ADAMTS12: variants seen among roughly 807,000 people sequenced by gnomAD.
ADAMTS12 encodes the protein ADAM metallopeptidase with thrombospondin type 1 motif 12.
Under a neutral mutation model 167.8 loss-of-function variants are expected in ADAMTS12, and 118 were observed. The ratio of observed to expected loss-of-function variants is 0.70; its 90% CI spans 0.61 to 0.82. The LOEUF (loss-of-function observed/expected upper bound fraction) is 0.82, where lower values mean the gene tolerates loss of function less well. Ranked by LOEUF, ADAMTS12 falls within the 40% of genes least tolerant of loss-of-function variation. ADAMTS12 has a pLI of 0.00. For synonymous variants in ADAMTS12, 704 were observed against 716.9 expected (o/e 0.98, Z 0.29); for missense variants, 1,916 against 1,998.8 (o/e 0.96, Z 0.79).
chr5:33,861,226 C>T (rs541773847), intron 2 of ADAMTS12, among the ~76,000 whole-genome samples: 1 of 152,230 alleles, frequency 6.6e-6, no homozygotes, highest in East Asian at 1.9e-4. Context: ...AATTAAAATA[C>T]ACAGACTGGC....
At chr5:33,587,883 T>C (rs530728692) in intron 18 of ADAMTS12, among the ~76,000 whole-genome samples, 14 of 152,240 alleles carry the variant, frequency 9.2e-5, no homozygotes, top group African/African-American at 2.9e-4. Flanking sequence ...GAACTGCACA[T>C]AGAGAAGCAG....
At chr5:33,634,647 G>C (rs1652878642) in intron 12 of ADAMTS12, among the ~76,000 whole-genome samples, 1 of 152,034 alleles carries the variant, frequency 6.6e-6, no homozygotes, top group Admixed American at 6.6e-5. Context: ...GAAACCTTTG[G>C]CTAGTCTAAA....
chr5:33,760,923 G>GCA lies in ADAMTS12; in HGVS notation c.490-9376_490-9375insTG, dbSNP rs1442345231. ...TGTGTGTGTGTGTGTGTGTGTGTGC[G>GCA]TATGCGCTTCTAAGCAGCAATCCAT... On this transcript the variant is annotated intron_variant, in intron 2 of 23. Coordinates refer to ENST00000504830, the MANE Select transcript of ADAMTS12 (RefSeq NM_030955.4). Among the ~76,000 whole-genome samples the GCA allele has an allele frequency of 3.4e-5, 5 of 145,758 alleles. No individual in the cohort carries two copies. In the East Asian group the frequency reaches 7.9e-4, roughly 23 times the overall value.
intron 22 of ADAMTS12, among the ~76,000 whole-genome samples, chr5:33,545,331 G>A (rs1744917618): frequency 6.6e-6 from 1 of 152,180 alleles, no homozygotes; most frequent in African/African-American, 2.4e-5. Context: ...ATGCCAGTTA[G>A]AATGGTGATC....
intron 20 of ADAMTS12, among the ~76,000 whole-genome samples, chr5:33,559,300 G>T (rs533182509): frequency 6.4e-4 from 97 of 152,260 alleles, no homozygotes; most frequent in Non-Finnish European, 1.1e-3. Flanking sequence ...GGTTGATCAT[G>T]TATGGCAAAC....
At chr5:33,719,060 T>C (rs1418480008) in intron 3 of ADAMTS12, among the ~76,000 whole-genome samples, 1 of 152,174 alleles carries the variant, frequency 6.6e-6, no homozygotes, top group East Asian at 1.9e-4. Context: ...GTGCTTAATC[T>C]TCCTCACAGC....
intron 2 of ADAMTS12, among the ~76,000 whole-genome samples, chr5:33,865,272 T>A (rs1188184351): frequency 2.0e-5 from 3 of 152,040 alleles, no homozygotes; most frequent in African/African-American, 7.2e-5. Flanking sequence ...AGAAAGATAA[T>A]ACACCATGAT....
At chr5:33,726,283 G>C (rs564030334) in intron 3 of ADAMTS12, among the ~76,000 whole-genome samples, 5 of 152,318 alleles carry the variant, frequency 3.3e-5, no homozygotes, top group Admixed American at 3.3e-4. Context: ...CACATTGTAG[G>C]TACAGTTGAG....
intron 2 of ADAMTS12, among the ~76,000 whole-genome samples, chr5:33,839,552 T>C (rs1360566240): frequency 6.6e-6 from 1 of 152,176 alleles, no homozygotes; most frequent in Non-Finnish European, 1.5e-5. Context: ...TGGCTCCAAC[T>C]CTGGAAGGGA....
chr5:33,687,780 G>A (rs907048374), intron 3 of ADAMTS12, among the ~76,000 whole-genome samples: 1 of 152,186 alleles, frequency 6.6e-6, no homozygotes, highest in South Asian at 2.1e-4. Context: ...TTTGATGGAA[G>A]AAATGTTTCT....
chr5:33,615,183 G>A (rs1011792831), intron 15 of ADAMTS12, among the ~76,000 whole-genome samples: 7 of 152,154 alleles, frequency 4.6e-5, no homozygotes, highest in African/African-American at 1.2e-4. Context: ...AAAGTCTCCC[G>A]ACACTCATGG....
chr5:33,765,812 C>T (rs547767026), intron 2 of ADAMTS12, among the ~76,000 whole-genome samples: 1 of 152,214 alleles, frequency 6.6e-6, no homozygotes, highest in East Asian at 1.9e-4. Context: ...AAAAATTTGC[C>T]ACTGGTTATC....
chr5:33,753,788 A>G (rs1186486701), intron 2 of ADAMTS12, among the ~76,000 whole-genome samples: 1 of 152,204 alleles, frequency 6.6e-6, no homozygotes, highest in Non-Finnish European at 1.5e-5. Context: ...CTCCATTTGC[A>G]TTCCTCCACA....
rs2112173879 is a variant in ADAMTS12, at chr5:33,642,088, A to C, written c.1573-133T>G. On this transcript the variant is annotated intron_variant, in intron 10 of 23. Coordinates refer to ENST00000504830, the MANE Select transcript of ADAMTS12 (RefSeq NM_030955.4). ...TCTACAGTCACATATCAGATGTAAA[A>C]CAAACAGGGGCTCATATAAGTTTCT... 4 of 860,606 alleles carry C rather than the reference A, an allele frequency of 4.6e-6. No homozygotes were observed. In the East Asian group the frequency reaches 8.2e-5, roughly 18 times the overall value. The allele number at this position is 860,606 out of a possible 1,614,324, so 53.3% of individuals were successfully genotyped here.
rs1422673124 is a variant in ADAMTS12 at position 33,795,744 on chromosome 5, T to C, written c.490-44196A>G. 2.0e-5 allele frequency among the ~76,000 whole-genome samples: 3 copies of C among 152,084 alleles called. No homozygotes were observed. In the East Asian group the frequency reaches 5.8e-4, roughly 29 times the overall value. ...GCCCAAATGTGGAGGGTTTTGAAAA[T>C]TCGCCACTATACTCCCCACTGGTAG... On this transcript the variant is annotated intron_variant, in intron 2 of 23. Transcript: ENST00000504830.
intron 2 of ADAMTS12, among the ~76,000 whole-genome samples, chr5:33,762,256 C>T (rs980237841): frequency 6.6e-6 from 1 of 151,890 alleles, no homozygotes; most frequent in African/African-American, 2.4e-5. Context: ...CGCATGTAAT[C>T]CCAGCACTTT....
At position 33,595,888 on chromosome 5, in the gene ADAMTS12, T is replaced by C. The variant is rs1213212565; in HGVS notation, c.2654+46A>G. 3 of 1,610,148 alleles carry C rather than the reference T, an allele frequency of 1.9e-6. No individual in the cohort carries two copies. In the African/African-American group the frequency reaches 4.0e-5, roughly 22 times the overall value. ...CACTAGGTCACTCTTGAGTCAGACATCACTGTAGGCAGACACACAGAGCTC... is the reference window on the plus strand; with the variant it reads ...CACTAGGTCACTCTTGAGTCAGACACCACTGTAGGCAGACACACAGAGCTC... On this transcript the variant is annotated intron_variant, in intron 17 of 23. Transcript: ENST00000504830.
chr5:33,798,434 C>CTTTTTTTTTT (rs3037113), intron 2 of ADAMTS12, among the ~76,000 whole-genome samples: 15 of 69,268 alleles, frequency 2.2e-4, no homozygotes, highest in East Asian at 4.5e-4. Flanking sequence ...TTCTTTGTAT[C>CTTTTTTTTTT]TTTTTTTTTT....
chr5:33,527,518 T>C (rs564452038), intron 23 of ADAMTS12, 152 bp from the exon 24 acceptor site: 2 of 737,810 alleles, frequency 2.7e-6, no homozygotes, highest in Non-Finnish European at 4.4e-6. Flanking sequence ...ATGTTTATTA[T>C]GTATCAGACG....
Sources: gnomAD v4.1 joint callset for allele counts (sites outside exome capture counted in the v4.1 genomes callset) on GRCh38, gnomAD v4.1.1 for gene constraint, MANE v1.5 for transcripts, NCBI Gene and HGNC (gene_info 2026-07-23, HGNC 2026-07-21) for gene names.